The following HOOK3 variants were observed in gnomAD, a reference collection of about 807,000 sequenced individuals.
The protein encoded by HOOK3 is protein Hook homolog 3.
HOOK3 carries 24 observed loss-of-function variants against 116.3 expected under a neutral mutation model. The ratio of observed to expected loss-of-function variants is 0.21; its 90% CI spans 0.15 to 0.29. The LOEUF is 0.29. Ranked by LOEUF, HOOK3 falls within the 10% of genes least tolerant of loss-of-function variation. The pLI is 1.00. For missense variants in HOOK3, 632 were observed against 830.2 expected, an observed-to-expected ratio of 0.76 and a Z score of 2.93; for synonymous variants, 275 against 283.0, an observed-to-expected ratio of 0.97 and a Z score of 0.28.
At chr8:42,902,589 A>AC (rs1015991478) in intron 1 of HOOK3, among the ~76,000 whole-genome samples, 1 of 151,134 alleles carries the variant, frequency 6.6e-6, no homozygotes, top group African/African-American at 2.4e-5. Flanking sequence ...GTATTTTCAA[A>AC]CCCCCCCAGA....
chr8:42,984,654 C>T (rs952782949), intron 14 of HOOK3, among the ~76,000 whole-genome samples: 9 of 152,118 alleles, frequency 5.9e-5, no homozygotes, highest in East Asian at 1.9e-4. Context: ...AAAATGCCAG[C>T]GCTTCGGGAG....
chr8:42,972,133 G>A (rs1189233944), intron 11 of HOOK3, among the ~76,000 whole-genome samples: 1 of 151,932 alleles, frequency 6.6e-6, no homozygotes, highest in Non-Finnish European at 1.5e-5. Flanking sequence ...AGTCTTGTTC[G>A]TTGTGGCATT....
chr8:43,004,760 TGA>T, intron 17 of HOOK3, among the ~76,000 whole-genome samples: 1 of 151,578 alleles, frequency 6.6e-6, no homozygotes. Flanking sequence ...TCCAACATAC[TGA>T]GTATTGCCGA....
intron 1 of HOOK3, among the ~76,000 whole-genome samples, chr8:42,904,938 T>C (rs1807273550): frequency 6.6e-6 from 1 of 152,206 alleles, no homozygotes; most frequent in Non-Finnish European, 1.5e-5. Context: ...ATGGCCTGTG[T>C]CTGTCTGTTC....
chr8:43,021,123 A>AG lies in HOOK3; in HGVS notation c.*2625_*2626insG, dbSNP rs990588140. Reference sequence around the variant, plus strand: ...TCGCAAGAAAAAAAAAAAAAAAAAAAAAAAAAAAAACAGTCTGTGAACTAC... The same window carrying AG: ...TCGCAAGAAAAAAAAAAAAAAAAAAAGAAAAAAAAAACAGTCTGTGAACTAC... On this transcript the variant is annotated 3_prime_UTR_variant, in exon 22 of 22. Coordinates refer to ENST00000307602, the MANE Select transcript of HOOK3 (RefSeq NM_032410.4). 2.1e-5 allele frequency: 4 copies of AG among 194,010 alleles called. No homozygotes were observed. The highest frequency in any genetic ancestry group is 9.4e-5 in the African/African-American group (4 of 42,688). The allele number at this position is 194,010 out of a possible 1,614,324, so 12.0% of individuals were successfully genotyped here. A position where few individuals can be genotyped will look rare whatever the true frequency, so the allele number is the denominator to read the frequency against.
chr8:43,029,012 C>T lies in HOOK3; in HGVS notation c.*10514C>T, dbSNP rs915327966. The T allele has an allele frequency of 3.1e-5, 6 of 195,836 alleles. No individual in the cohort carries two copies. Among genetic ancestry groups the T allele is most frequent in the African/African-American group, 1.2e-4 (5 of 43,156 alleles). The allele number at this position is 195,836 out of a possible 1,614,324, so 12.1% of individuals were successfully genotyped here. A position where few individuals can be genotyped will look rare whatever the true frequency, so the allele number is the denominator to read the frequency against. ...ACCTACTTTAGTATGTGTTCTGTAG[C>T]GATTCATATTAGTTAAGGGACGTTT... On this transcript the variant is annotated 3_prime_UTR_variant, in exon 22 of 22. Transcript: ENST00000307602.
chr8:42,920,551 A>G (rs910385871), intron 2 of HOOK3, among the ~76,000 whole-genome samples: 1 of 152,212 alleles, frequency 6.6e-6, no homozygotes, highest in Admixed American at 6.5e-5. Flanking sequence ...ATAGCAGTGA[A>G]TAAGAGGAAA....
At chr8:42,962,671 C>G (rs1033138712) in intron 8 of HOOK3, among the ~76,000 whole-genome samples, 5 of 151,960 alleles carry the variant, frequency 3.3e-5, no homozygotes, top group Non-Finnish European at 7.4e-5. Context: ...TCCCAAAGTG[C>G]TAGGATTACA....
At chr8:42,984,982 T>C (rs913340708) in intron 14 of HOOK3, among the ~76,000 whole-genome samples, 5 of 152,026 alleles carry the variant, frequency 3.3e-5, no homozygotes, top group Non-Finnish European at 7.3e-5. Context: ...ATATGCTCTG[T>C]GTCCAGAAGA....
At chr8:42,943,244 C>T (rs1808162080) in intron 4 of HOOK3, 69 bp from the exon 5 acceptor site, 3 of 1,051,562 alleles carry the variant, frequency 2.9e-6, no homozygotes, top group Non-Finnish European at 3.9e-6. Flanking sequence ...TAACAAACCT[C>T]GATCAAGTTT....
intron 4 of HOOK3, among the ~76,000 whole-genome samples, chr8:42,931,425 C>CTTTTTTTTTTTTTTTTT (rs764965780): frequency 9.9e-6 from 1 of 100,582 alleles, no homozygotes; most frequent in Non-Finnish European, 1.8e-5. Flanking sequence ...CTTCTCTTCT[C>CTTTTTTTTTTTTTTTTT]TTTTTTTTTT....
At chr8:42,912,536 G>C (rs1332847148) in intron 2 of HOOK3, among the ~76,000 whole-genome samples, 1 of 152,186 alleles carries the variant, frequency 6.6e-6, no homozygotes, top group Admixed American at 6.5e-5. Flanking sequence ...CAATGTGAAT[G>C]TATTTGATAC....
At chr8:42,994,054 T>A (rs1459091536) in intron 15 of HOOK3, among the ~76,000 whole-genome samples, 1 of 152,226 alleles carries the variant, frequency 6.6e-6, no homozygotes, top group Admixed American at 6.5e-5. Flanking sequence ...TCTCACTCTG[T>A]CACCCAGGCT....
intron 5 of HOOK3, 51 bp downstream of exon 5, chr8:42,943,496 T>A: frequency 3.4e-6 from 4 of 1,192,482 alleles, no homozygotes; most frequent in Non-Finnish European, 4.4e-6. Context: ...AGGAAAGTAG[T>A]GTATATTTTA....
intron 6 of HOOK3, among the ~76,000 whole-genome samples, chr8:42,954,076 C>T (rs1418104245): frequency 6.6e-6 from 1 of 152,010 alleles, no homozygotes; most frequent in African/African-American, 2.4e-5. Flanking sequence ...GGCATTGAAG[C>T]ATATCTTTGA....
intron 9 of HOOK3, among the ~76,000 whole-genome samples, chr8:42,965,112 C>G (rs975306979): frequency 6.6e-6 from 1 of 152,244 alleles, no homozygotes; most frequent in Admixed American, 6.5e-5. Context: ...GTGAAGGGGC[C>G]TGAAGGCGAG....
At chr8:42,914,903 G>T (rs1239370072) in intron 2 of HOOK3, among the ~76,000 whole-genome samples, 1 of 152,144 alleles carries the variant, frequency 6.6e-6, no homozygotes, top group Admixed American at 6.5e-5. Flanking sequence ...GATCACTTGA[G>T]GTCAGGACTT....
chr8:42,938,388 C>G (rs1326521970), intron 4 of HOOK3, among the ~76,000 whole-genome samples: 1 of 152,040 alleles, frequency 6.6e-6, no homozygotes, highest in Admixed American at 6.6e-5. Flanking sequence ...GGCATTTAGC[C>G]CATTTACATT....
chr8:42,932,778 T>A (rs1807897431), intron 4 of HOOK3, among the ~76,000 whole-genome samples: 1 of 152,112 alleles, frequency 6.6e-6, no homozygotes, highest in Non-Finnish European at 1.5e-5. Flanking sequence ...GGAGCAGGAG[T>A]AAAACTAAAA....
Sources: allele counts gnomAD v4.1 joint callset (sites outside exome capture counted in the v4.1 genomes callset), GRCh38; gene constraint gnomAD v4.1.1; transcripts MANE v1.5; gene names NCBI Gene and HGNC (gene_info 2026-07-23, HGNC 2026-07-21).